The following KLB variants were observed in gnomAD, a reference collection of about 807,000 sequenced individuals.
The protein encoded by KLB is klotho beta, also known as beta-klotho.
A neutral mutation model predicts 88.4 loss-of-function variants in KLB; 44 were observed. The ratio of observed to expected loss-of-function variants is 0.50; its 90% CI spans 0.39 to 0.64. The LOEUF (loss-of-function observed/expected upper bound fraction) is 0.64, where lower values mean the gene tolerates loss of function less well. Among genes scored for constraint, KLB ranks in the 30% least tolerant of loss-of-function variants. The pLI is 0.00. For synonymous variants in KLB, 548 were observed against 513.4 expected (o/e 1.07, Z -0.91); for missense variants, 1,137 against 1,304.8 (o/e 0.87, Z 1.98).
chr4:39,426,413 TAAAAAAAAAAAAA>T (rs869183002), intron 1 of KLB, among the ~76,000 whole-genome samples: 1 of 65,436 alleles, frequency 1.5e-5, no homozygotes, highest in Non-Finnish European at 2.7e-5. Context: ...GACTCCTATC[TAAAAAAAAAAAAA>T]AAAAAAAAAA....
chr4:39,445,691 T>TTG (rs1553932358), intron 3 of KLB, among the ~76,000 whole-genome samples: 45 of 150,852 alleles, frequency 3.0e-4, no homozygotes, highest in African/African-American at 1.0e-3. Context: ...TTTGTTTTTT[T>TTG]TTTTTTTTTT....
At chr4:39,448,245 C>A in intron 4 of KLB, 56 bp from the exon 5 acceptor site, 3 of 1,327,306 alleles carry the variant, frequency 2.3e-6, no homozygotes, top group South Asian at 3.1e-5. Flanking sequence ...TAAATTCTTC[C>A]TCAAAGATAC....
chr4:39,445,121 G>A (rs1020987778), intron 3 of KLB, among the ~76,000 whole-genome samples: 6 of 152,144 alleles, frequency 3.9e-5, no homozygotes, highest in Non-Finnish European at 7.4e-5. Flanking sequence ...TGCCACTAGG[G>A]AAAATGAAAC....
At chr4:39,444,440 C>A (rs1743689358) in intron 3 of KLB, among the ~76,000 whole-genome samples, 1 of 152,188 alleles carries the variant, frequency 6.6e-6, no homozygotes, top group Non-Finnish European at 1.5e-5. Context: ...AAGATGCCCA[C>A]CTTCATCTCA....
chr4:39,422,749 TGTCCTTTCA>T (rs1404005938), intron 1 of KLB, among the ~76,000 whole-genome samples: 1 of 149,392 alleles, frequency 6.7e-6, no homozygotes, highest in Non-Finnish European at 1.5e-5. Flanking sequence ...CAAGGATCTC[TGTCCTTTCA>T]GTCTAACTTT....
At chr4:39,430,003 C>T (rs977637542) in intron 1 of KLB, among the ~76,000 whole-genome samples, 1 of 152,150 alleles carries the variant, frequency 6.6e-6, no homozygotes, top group Non-Finnish European at 1.5e-5. Context: ...TGAAGGTCAC[C>T]TTGACAACAC....
At chr4:39,425,236 T>C (rs1743179907) in intron 1 of KLB, among the ~76,000 whole-genome samples, 1 of 152,264 alleles carries the variant, frequency 6.6e-6, no homozygotes, top group South Asian at 2.1e-4. Context: ...AACTTTATTC[T>C]AGACTTTTTT....
chr4:39,446,559 C>A lies in KLB; in HGVS notation c.1833C>A (p.Asn611Lys). Residue 611 changes from asparagine (N) to lysine (K), a missense_variant, in exon 4 of 5, where the codon AAC (asparagine) becomes AAA (lysine). Transcript: ENST00000257408. This position sits in a 1 kb window ranked among gnomAD's most constrained non-coding sequence, Gnocchi z 6.4. The stretch of plus-strand genomic sequence containing the variant: ...GGGCCTCGGTCCTTCCCACTGGCAA[C>A]CTGTCCGCGGTGAACCGACAGGCCC... ...LDWASVLPTG[N>K]LSAVNRQALR... 1 of 1,614,246 alleles carries A rather than the reference C, an allele frequency of 6.2e-7. No individual in the cohort carries two copies. Among genetic ancestry groups the A allele is most frequent in the Non-Finnish European group, 8.5e-7 (1 of 1,180,044 alleles).
intron 2 of KLB, among the ~76,000 whole-genome samples, 176 bp from the exon 3 acceptor site, chr4:39,437,551 T>C (rs1451000736): frequency 2.0e-5 from 3 of 152,238 alleles, no homozygotes; most frequent in Admixed American, 1.3e-4. Flanking sequence ...ATCTGGATGA[T>C]AGTAATTGCC....
At chr4:39,433,601 T>C (rs1456877988) in intron 1 of KLB, among the ~76,000 whole-genome samples, 2 of 152,208 alleles carry the variant, frequency 1.3e-5, no homozygotes, top group Non-Finnish European at 2.9e-5. Context: ...AGCTCATGCC[T>C]GTAATCCCAA....
chr4:39,444,533 A>G (rs550955534), intron 3 of KLB, among the ~76,000 whole-genome samples: 1 of 152,304 alleles, frequency 6.6e-6, no homozygotes, highest in African/African-American at 2.4e-5. Flanking sequence ...AAGCTCTGGG[A>G]GCTGGGGTTG....
intron 1 of KLB, among the ~76,000 whole-genome samples, chr4:39,422,398 C>G (rs1306308411): frequency 6.6e-6 from 1 of 152,086 alleles, no homozygotes; most frequent in Non-Finnish European, 1.5e-5. Context: ...CAGGCAAGAG[C>G]ACATAGGGCG....
intron 3 of KLB, among the ~76,000 whole-genome samples, chr4:39,445,687 T>TTTA (rs1482993236): frequency 1.3e-5 from 1 of 77,386 alleles, no homozygotes; most frequent in Non-Finnish European, 3.3e-5. Flanking sequence ...TTTTTTTGTT[T>TTTA]TTTTTTTTTT....
At chr4:39,442,804 A>T (rs1366183793) in intron 3 of KLB, among the ~76,000 whole-genome samples, 1 of 152,200 alleles carries the variant, frequency 6.6e-6, no homozygotes, top group East Asian at 1.9e-4. Flanking sequence ...ATATCTCAGC[A>T]TGTATCTCCT....
chr4:39,446,711 T>TG lies in KLB; in HGVS notation c.1986dup (p.Asn663GlufsTer33), dbSNP rs1290656141. The TG allele has an allele frequency of 6.2e-7, 1 of 1,609,192 alleles. No individual in the cohort carries two copies. The highest frequency in any genetic ancestry group is 1.3e-5 in the African/African-American group (1 of 74,994). ...CCTCTGTTGCATGCCGACGGGTGGC[T>TG]GAACCCATCGACGGCCGAGGCCTTC... is the stretch of plus-strand genomic sequence containing the variant. On this transcript the variant is annotated frameshift_variant, in exon 4 of 5. Coordinates refer to ENST00000257408, the MANE Select transcript of KLB (RefSeq NM_175737.4). LOFTEE classifies it high-confidence loss of function. The surrounding 1 kb of genome is among the most constrained non-coding windows in gnomAD (Gnocchi z 6.4).
At chr4:39,435,959 C>T (rs1359210758) in intron 2 of KLB, among the ~76,000 whole-genome samples, 1 of 152,138 alleles carries the variant, frequency 6.6e-6, no homozygotes, top group Non-Finnish European at 1.5e-5. Context: ...GATCTTTATA[C>T]TCTATTACAT....
intron 3 of KLB, among the ~76,000 whole-genome samples, chr4:39,439,697 G>A (rs1743555338): frequency 1.4e-5 from 2 of 142,666 alleles, no homozygotes; most frequent in South Asian, 4.4e-4. Flanking sequence ...CTTTATTCTT[G>A]TTGCTCATCG....
Position 39,437,734 on chromosome 4 carries a change from G to T in KLB, c.1344G>T (p.Arg448Ser), listed in dbSNP as rs1378241631. ...TTTCTTTTCTCTGTGCAGCAATAAG[G>T]TTAGATGAAATACGAGTGTTTGGTT... ...NFLSQVLQAI[R>S]LDEIRVFGYT... Residue 448 changes from arginine (R) to serine (S), a missense_variant, in exon 3 of 5, where the codon AGG (arginine) becomes AGT (serine). Transcript: ENST00000257408. 6.2e-7 allele frequency: 1 copy of T among 1,610,460 alleles called. No homozygotes were observed. The highest frequency in any genetic ancestry group is 1.7e-5 in the Admixed American group (1 of 59,780).
intron 3 of KLB, among the ~76,000 whole-genome samples, chr4:39,442,537 G>A (rs1006746254): frequency 2.0e-5 from 3 of 150,956 alleles, no homozygotes; most frequent in African/African-American, 7.3e-5. Context: ...GGGTTCAAGA[G>A]ATTCCCCTGC....
Sources: allele counts gnomAD v4.1 joint callset (sites outside exome capture counted in the v4.1 genomes callset), GRCh38; gene constraint gnomAD v4.1.1; non-coding constraint Gnocchi (gnomAD v3.1); transcripts MANE v1.5; gene names NCBI Gene and HGNC (gene_info 2026-07-23, HGNC 2026-07-21).